Variants in EEPD1 observed in about 807,000 individuals in gnomAD.
The protein encoded by EEPD1 is endonuclease/exonuclease/phosphatase family domain-containing protein 1.
EEPD1 carries 17 observed loss-of-function variants against 46.3 expected under a neutral mutation model. That is an observed-to-expected ratio of 0.37 (90% CI 0.25 to 0.55). EEPD1 has a LOEUF of 0.55. EEPD1 is among the 20% of genes least tolerant of loss of function. EEPD1 has a pLI of 0.83. For missense variants in EEPD1, 673 were observed against 745.6 expected (o/e 0.90, Z 1.13); for synonymous variants, 313 against 315.6 (o/e 0.99, Z 0.09).
chr7:36,284,604 G>A (rs1480093157), intron 4 of EEPD1, 82 bp from the exon 5 acceptor site: 34 of 1,509,352 alleles, frequency 2.3e-5, no homozygotes, highest in South Asian at 6.3e-5. Context: ...ACTGCCTCTC[G>A]GTCTCTCTGG....
intron 2 of EEPD1, among the ~76,000 whole-genome samples, chr7:36,157,484 T>C (rs985953993): frequency 6.6e-6 from 1 of 152,204 alleles, no homozygotes; most frequent in Non-Finnish European, 1.5e-5. Context: ...TTTTCTTCTT[T>C]GGGTTTCCTA....
chr7:36,173,741 T>A (rs1785129264), intron 2 of EEPD1, among the ~76,000 whole-genome samples: 1 of 152,168 alleles, frequency 6.6e-6, no homozygotes, highest in Non-Finnish European at 1.5e-5. Context: ...TGTTGTGGTA[T>A]GAGGGTAGAG....
At chr7:36,172,971 CCAGGTAGAT>C (rs1193310358) in intron 2 of EEPD1, among the ~76,000 whole-genome samples, 1 of 151,952 alleles carries the variant, frequency 6.6e-6, no homozygotes, top group Non-Finnish European at 1.5e-5. Context: ...GGTACTACCT[CCAGGTAGAT>C]AGTATAGAAA....
intron 2 of EEPD1, among the ~76,000 whole-genome samples, chr7:36,204,802 TTTTGTTTG>T (rs145484333): frequency 2.0e-5 from 3 of 150,986 alleles, no homozygotes; most frequent in African/African-American, 7.3e-5. Context: ...GTGACAGTGT[TTTTGTTTG>T]TTTGTTTGTT....
chr7:36,296,832 A>C (rs74749184), intron 6 of EEPD1, among the ~76,000 whole-genome samples, 161 bp from the exon 7 acceptor site: 1 of 151,488 alleles, frequency 6.6e-6, no homozygotes, highest in Non-Finnish European at 1.5e-5. Flanking sequence ...GGTGATATGC[A>C]CATGAAATGT....
intron 2 of EEPD1, among the ~76,000 whole-genome samples, chr7:36,184,487 T>C (rs1393715026): frequency 2.6e-5 from 4 of 152,162 alleles, no homozygotes. Flanking sequence ...AAGATTCACA[T>C]GCACCTGGGA....
chr7:36,227,501 A>T (rs1357092234), intron 2 of EEPD1, among the ~76,000 whole-genome samples: 1 of 152,184 alleles, frequency 6.6e-6, no homozygotes, highest in Non-Finnish European at 1.5e-5. Flanking sequence ...TGATGTGCAG[A>T]TGCTGACGGC....
At chr7:36,208,365 T>C (rs1351873155) in intron 2 of EEPD1, among the ~76,000 whole-genome samples, 2 of 152,254 alleles carry the variant, frequency 1.3e-5, no homozygotes, top group Admixed American at 1.3e-4. Context: ...GTAAGCAGCA[T>C]TTGCACAGTT....
At chr7:36,232,645 TG>T (rs1291457262) in intron 2 of EEPD1, among the ~76,000 whole-genome samples, 1 of 149,478 alleles carries the variant, frequency 6.7e-6, no homozygotes, top group Non-Finnish European at 1.5e-5. Flanking sequence ...TTCAGTAGAT[TG>T]GTTGTGGCTC....
chr7:36,242,614 T>C (rs1786571978), intron 3 of EEPD1, among the ~76,000 whole-genome samples: 1 of 152,052 alleles, frequency 6.6e-6, no homozygotes, highest in Non-Finnish European at 1.5e-5. Context: ...ATAGTGCTAT[T>C]TTGTGCATCA....
chr7:36,176,048 A>T, intron 2 of EEPD1, among the ~76,000 whole-genome samples: 1 of 152,016 alleles, frequency 6.6e-6, no homozygotes, highest in Middle Eastern at 3.2e-3. Flanking sequence ...AGGTCTGAGG[A>T]GGGGAGGCCC....
At chr7:36,203,801 C>T (rs1785761349) in intron 2 of EEPD1, among the ~76,000 whole-genome samples, 1 of 152,036 alleles carries the variant, frequency 6.6e-6, no homozygotes, top group South Asian at 2.1e-4. Flanking sequence ...TTCAGAAAAG[C>T]AAAAATAATG....
chr7:36,217,659 CA>C, intron 2 of EEPD1, among the ~76,000 whole-genome samples: 1 of 152,216 alleles, frequency 6.6e-6, no homozygotes, highest in East Asian at 1.9e-4. Context: ...AACAAATAAC[CA>C]AAAGATTCCT....
intron 2 of EEPD1, among the ~76,000 whole-genome samples, chr7:36,168,323 A>G (rs901929437): frequency 6.6e-6 from 1 of 152,248 alleles, no homozygotes; most frequent in African/African-American, 2.4e-5. Context: ...CACTTTACAC[A>G]TAAGGAAACT....
At position 36,154,796 on chromosome 7, in the gene EEPD1, G is replaced by A; in HGVS notation, c.472G>A (p.Ala158Thr). Residue 158 changes from alanine (A) to threonine (T), a missense_variant, in exon 2 of 8, where the codon GCC becomes ACC. Ala to Thr is a moderately conservative substitution (Grantham distance 58, BLOSUM62 0). Coordinates refer to ENST00000242108, the MANE Select transcript of EEPD1 (RefSeq NM_030636.3). The surrounding 1 kb of genome is among the most constrained non-coding windows in gnomAD (Gnocchi z 4.2). Reference sequence around the variant, plus strand: ...CGTGCGAGGCCTCTCGGAGAAAATGGCCCTCAGCATCGTGGACTTCCGCCG... The same window carrying A: ...CGTGCGAGGCCTCTCGGAGAAAATGACCCTCAGCATCGTGGACTTCCGCCG... ...MSVRGLSEKM[A>T]LSIVDFRREH... 6.2e-7 allele frequency: 1 copy of A among 1,614,156 alleles called. No individual in the cohort carries two copies. The highest frequency in any genetic ancestry group is 2.2e-5 in the East Asian group (1 of 44,880).
chr7:36,292,262 T>C (rs572209122), intron 6 of EEPD1, among the ~76,000 whole-genome samples: 9 of 152,302 alleles, frequency 5.9e-5, no homozygotes, highest in Non-Finnish European at 1.3e-4. Context: ...GTCACGAAGC[T>C]GGGAAGTGAC....
chr7:36,223,064 T>C (rs1411877418), intron 2 of EEPD1, among the ~76,000 whole-genome samples: 3 of 152,048 alleles, frequency 2.0e-5, no homozygotes, highest in East Asian at 3.9e-4. Context: ...GACAGGAGAA[T>C]CGCTTGAACC....
At chr7:36,232,467 G>A (rs1401534018) in intron 2 of EEPD1, among the ~76,000 whole-genome samples, 2 of 151,880 alleles carry the variant, frequency 1.3e-5, no homozygotes, top group African/African-American at 4.8e-5. Context: ...GCCTCCTGAA[G>A]TGCTGGGATT....
At chr7:36,273,142 A>ACACACACACACACACACACT (rs1787137006) in intron 3 of EEPD1, among the ~76,000 whole-genome samples, 2 of 151,684 alleles carry the variant, frequency 1.3e-5, no homozygotes, top group Non-Finnish European at 2.9e-5. Context: ...ACACACACAC[A>ACACACACACACACACACACT]CACACACACA....
Sources: gnomAD v4.1 joint callset for allele counts (sites outside exome capture counted in the v4.1 genomes callset) on GRCh38, gnomAD v4.1.1 for gene constraint, Gnocchi (gnomAD v3.1) non-coding constraint, MANE v1.5 for transcripts, NCBI Gene and HGNC (gene_info 2026-07-23, HGNC 2026-07-21) for gene names.